Variants in MAP4 observed in about 807,000 individuals in gnomAD.
MAP4 encodes microtubule associated protein 4.
In MAP4, 76 loss-of-function variants were observed where a neutral mutation model predicts 170.2. The ratio of observed to expected loss-of-function variants is 0.45; its 90% CI spans 0.37 to 0.54. The LOEUF is 0.54. Ranked by LOEUF, MAP4 falls within the 20% of genes least tolerant of loss-of-function variation. The pLI is 0.00. For missense variants in MAP4, 2,506 were observed against 2,748.0 expected (o/e 0.91, Z 1.97); for synonymous variants, 909 against 994.5 (o/e 0.91, Z 1.62).
chr3:47,864,452 G>A (rs2075771235), intron 17 of MAP4, among the ~76,000 whole-genome samples: 1 of 152,034 alleles, frequency 6.6e-6, no homozygotes, highest in African/African-American at 2.4e-5. Context: ...CGAGGCGGGC[G>A]GATCATGAGG....
chr3:47,948,489 C>T (rs947122518), intron 3 of MAP4, among the ~76,000 whole-genome samples: 3 of 151,518 alleles, frequency 2.0e-5, no homozygotes, highest in African/African-American at 7.3e-5. Context: ...CTCCCAAAGT[C>T]TTGGGATTAC....
intron 1 of MAP4, among the ~76,000 whole-genome samples, chr3:48,005,438 TG>T (rs1559778298): frequency 6.6e-6 from 1 of 152,096 alleles, no homozygotes; most frequent in Non-Finnish European, 1.5e-5. Flanking sequence ...ATTAAGGGTA[TG>T]GGATAATGGT....
At chr3:47,934,890 A>G (rs1180736397) in intron 3 of MAP4, among the ~76,000 whole-genome samples, 1 of 152,220 alleles carries the variant, frequency 6.6e-6, no homozygotes, top group African/African-American at 2.4e-5. Context: ...CAAATGGTGA[A>G]ATGTCCTGCT....
At position 47,916,444 on chromosome 3, in the gene MAP4, G is replaced by C. The variant is rs201296820; in HGVS notation, c.1383C>G (p.Thr461=). ...CTTCTAAAGGTAGTGCTTTATCCTT[G>C]GTCAAGATCACGTTGGTTTCCGGGG... The part of the protein sequence containing the change: ...TLPPETNVIL[T]KDKALPLEAE... The change falls in exon 7 of 21, where the codon ACC becomes ACG. Residue 461 remains threonine, a synonymous_variant. Transcript: ENST00000683076. The C allele has an allele frequency of 2.4e-5, 39 of 1,614,168 alleles. 1 individual carries two copies. The African/African-American group carries it at 2.7e-4, about 11-fold the overall frequency.
chr3:48,087,159 T>G (rs545361115), intron 1 of MAP4, among the ~76,000 whole-genome samples: 1 of 152,326 alleles, frequency 6.6e-6, no homozygotes, highest in Admixed American at 6.5e-5. Context: ...TGAAAAGTAG[T>G]AGTACGGATC....
intron 3 of MAP4, chr3:47,975,219 CT>C (rs1259468023): frequency 4.5e-5 from 57 of 1,267,368 alleles, no homozygotes; most frequent in Non-Finnish European, 5.4e-5. Flanking sequence ...TCATTTTGCA[CT>C]TTGTGTTCAC....
At chr3:48,007,852 T>C (rs1022157273) in intron 1 of MAP4, among the ~76,000 whole-genome samples, 2 of 152,084 alleles carry the variant, frequency 1.3e-5, no homozygotes, top group East Asian at 1.9e-4. Flanking sequence ...TTTGTATTTT[T>C]AGTAAAGATG....
chr3:48,002,638 T>C (rs918852542), intron 1 of MAP4, among the ~76,000 whole-genome samples: 4 of 151,780 alleles, frequency 2.6e-5, no homozygotes, highest in Non-Finnish European at 4.4e-5. Flanking sequence ...CCCAACAATT[T>C]GAGAGCCTGA....
intron 1 of MAP4, among the ~76,000 whole-genome samples, chr3:48,085,521 A>G (rs141624694): frequency 1.3e-5 from 2 of 152,364 alleles, no homozygotes; most frequent in African/African-American, 4.8e-5. Flanking sequence ...AGACTACTTA[A>G]AAAACAAGTG....
chr3:47,922,606 C>A (rs781774597), intron 4 of MAP4, among the ~76,000 whole-genome samples: 1 of 151,020 alleles, frequency 6.6e-6, no homozygotes, highest in Non-Finnish European at 1.5e-5. Context: ...CTCATGTGGA[C>A]ATGATGAAGA....
chr3:47,892,409 A>C (rs1343282544), intron 10 of MAP4: 2 of 1,536,238 alleles, frequency 1.3e-6, no homozygotes, highest in South Asian at 2.4e-5. Context: ...TGGGGAGTCC[A>C]TTCGGCACTC....
upstream of MAP4, among the ~76,000 whole-genome samples, chr3:48,020,480 G>A (rs1469678431): frequency 6.6e-6 from 1 of 152,136 alleles, no homozygotes; most frequent in Non-Finnish European, 1.5e-5. Context: ...CAGCTTTTCT[G>A]AGCAAGAAGG....
Position 47,872,133 on chromosome 3 carries a change from G to A in MAP4, c.5758-33C>T, listed in dbSNP as rs2093517862. On this transcript the variant is annotated intron_variant, in intron 12 of 20. Coordinates refer to ENST00000683076, the MANE Select transcript of MAP4 (RefSeq NM_001385682.1). The stretch of plus-strand genomic sequence containing the variant: ...TAGGAAAGTGGGAATGAGGCCTGCA[G>A]GTCAGCAATAGCCCCAAGGAGTCAC... 5.1e-6 allele frequency: 8 copies of A among 1,571,152 alleles called. No individual in the cohort carries two copies. The East Asian group carries it at 1.6e-4, about 31-fold the overall frequency.
chr3:47,945,751 ACT>A (rs1387461471), intron 3 of MAP4, among the ~76,000 whole-genome samples: 1 of 151,636 alleles, frequency 6.6e-6, no homozygotes, highest in African/African-American at 2.4e-5. Context: ...GCAGGGTCTC[ACT>A]CTGTCACCCA....
At chr3:48,042,795 A>G (rs942048968) in intron 1 of MAP4, among the ~76,000 whole-genome samples, 24 of 152,256 alleles carry the variant, frequency 1.6e-4, no homozygotes, top group Non-Finnish European at 2.4e-4. Context: ...AGGTACATAC[A>G]TACAATGGAA....
intron 1 of MAP4, among the ~76,000 whole-genome samples, chr3:48,023,427 A>G (rs1241343735): frequency 5.9e-5 from 9 of 152,162 alleles, no homozygotes; most frequent in African/African-American, 2.2e-4. Context: ...GAGAAAAGAG[A>G]AGGAGGCTTC....
At chr3:48,001,209 T>G (rs1284015006) in intron 1 of MAP4, among the ~76,000 whole-genome samples, 1 of 152,218 alleles carries the variant, frequency 6.6e-6, no homozygotes, top group African/African-American at 2.4e-5. Context: ...AGATAGTATG[T>G]GTTCAGTACT....
chr3:47,888,010 A>G (rs1267532850), intron 10 of MAP4, among the ~76,000 whole-genome samples: 4 of 151,132 alleles, frequency 2.6e-5, no homozygotes, highest in East Asian at 1.9e-4. Flanking sequence ...AAACACACCA[A>G]TCAGCACCCT....
chr3:47,905,917 C>G (rs541220396), intron 9 of MAP4, among the ~76,000 whole-genome samples: 1 of 152,112 alleles, frequency 6.6e-6, no homozygotes, highest in East Asian at 1.9e-4. Flanking sequence ...TCGCTTGAAC[C>G]TGGGAGGTGG....
Sources: allele counts gnomAD v4.1 joint callset (sites outside exome capture counted in the v4.1 genomes callset), GRCh38; gene constraint gnomAD v4.1.1; transcripts MANE v1.5; gene names NCBI Gene and HGNC (gene_info 2026-07-23, HGNC 2026-07-21).